RIMS2: variants seen among roughly 807,000 people sequenced by gnomAD.
RIMS2 encodes regulating synaptic membrane exocytosis protein 2.
In RIMS2, 59 loss-of-function variants were observed where a neutral mutation model predicts 174.4. That is an observed-to-expected ratio of 0.34 (90% CI 0.27 to 0.42). The LOEUF (loss-of-function observed/expected upper bound fraction) is 0.42. RIMS2 is among the 10% of genes least tolerant of loss of function. The pLI is 1.00. For synonymous variants in RIMS2, 606 were observed against 572.5 expected, an observed-to-expected ratio of 1.06 and a Z score of -0.84; for missense variants, 1,620 against 1,666.3, an observed-to-expected ratio of 0.97 and a Z score of 0.48.
intron 19 of RIMS2, among the ~76,000 whole-genome samples, chr8:104,206,666 A>C (rs1400235310): frequency 6.6e-6 from 1 of 152,210 alleles, no homozygotes; most frequent in Non-Finnish European, 1.5e-5. Context: ...GCAATTGCCC[A>C]AGCATGGCTT....
chr8:103,702,028 G>A (rs1177391623), intron 2 of RIMS2, among the ~76,000 whole-genome samples: 1 of 151,956 alleles, frequency 6.6e-6, no homozygotes, highest in African/African-American at 2.4e-5. Context: ...TCTCCATAGT[G>A]GCTATACTAA....
Position 103,576,058 on chromosome 8 carries a change from C to T in RIMS2, c.176+74996C>T, listed in dbSNP as rs548774971. ...AGTGGGAGGGCAGGACCACTATCCT[C>T]AGCATGGAAACCCTGCTATGTAAGT... On this transcript the variant is annotated intron_variant, in intron 1 of 23. Coordinates refer to ENST00000504942, the Ensembl canonical transcript of RIMS2. Among the ~76,000 whole-genome samples, 12 of 152,312 alleles carry T rather than the reference C, an allele frequency of 7.9e-5. No homozygotes were observed. The East Asian group carries it at 1.9e-3, about 25-fold the overall frequency.
chr8:103,571,791 T>C (rs758801246), intron 1 of RIMS2, among the ~76,000 whole-genome samples: 10 of 152,190 alleles, frequency 6.6e-5, no homozygotes, highest in East Asian at 1.9e-4. Context: ...TCTTTAGGAC[T>C]CTCTCCATTG....
intron 19 of RIMS2, among the ~76,000 whole-genome samples, chr8:104,116,342 T>C (rs1004775535): frequency 4.6e-5 from 7 of 152,208 alleles, no homozygotes; most frequent in Admixed American, 1.3e-4. Flanking sequence ...AATATTGTAA[T>C]GGATTTTAAG....
At chr8:104,241,238 G>T (rs947852104) in intron 19 of RIMS2, among the ~76,000 whole-genome samples, 8 of 152,140 alleles carry the variant, frequency 5.3e-5, no homozygotes, top group African/African-American at 1.9e-4. Flanking sequence ...AGCAGAAAAT[G>T]TGGAGTCTGG....
rs1157162801 is a variant in RIMS2 at position 103,830,617 on chromosome 8, T to A, written c.699-54681T>A. ...TGTTGTGGTCTATAAATGTCAATTATGTCATGATGTTTAATAGTGTTGTTC... is the reference window on the plus strand; with the variant it reads ...TGTTGTGGTCTATAAATGTCAATTAAGTCATGATGTTTAATAGTGTTGTTC... On this transcript the variant is annotated intron_variant, in intron 3 of 23. Transcript: ENST00000504942. Among the ~76,000 whole-genome samples, 3 of 152,312 alleles carry A rather than the reference T, an allele frequency of 2.0e-5. No individual in the cohort carries two copies. The East Asian group carries it at 5.8e-4, about 29-fold the overall frequency.
intron 19 of RIMS2, among the ~76,000 whole-genome samples, chr8:104,118,179 A>T (rs2098310613): frequency 6.6e-6 from 1 of 152,082 alleles, no homozygotes; most frequent in African/African-American, 2.4e-5. Flanking sequence ...TATAATAGAT[A>T]AAATATGAAA....
intron 16 of RIMS2, among the ~76,000 whole-genome samples, chr8:103,986,940 A>G (rs2094405072): frequency 6.6e-6 from 1 of 151,982 alleles, no homozygotes; most frequent in African/African-American, 2.4e-5. Flanking sequence ...ATGGTACTCA[A>G]AGACAAACTA....
chr8:103,727,434 A>G (rs1244195775), intron 2 of RIMS2, among the ~76,000 whole-genome samples: 2 of 151,926 alleles, frequency 1.3e-5, no homozygotes, highest in Non-Finnish European at 2.9e-5. Flanking sequence ...CACTTTGTTT[A>G]TTCTTTCCTT....
At chr8:103,714,889 T>A (rs1450363928) in intron 2 of RIMS2, among the ~76,000 whole-genome samples, 1 of 152,098 alleles carries the variant, frequency 6.6e-6, no homozygotes, top group Non-Finnish European at 1.5e-5. Flanking sequence ...AAAATTTTTT[T>A]AGATAATAAA....
intron 3 of RIMS2, among the ~76,000 whole-genome samples, chr8:103,866,791 T>A (rs1277499456): frequency 4.6e-5 from 7 of 152,100 alleles, no homozygotes; most frequent in African/African-American, 1.7e-4. Context: ...ATTTTGGCTT[T>A]TACTATTAAT....
At chr8:104,179,028 A>G (rs2098923663) in intron 19 of RIMS2, among the ~76,000 whole-genome samples, 1 of 152,176 alleles carries the variant, frequency 6.6e-6, no homozygotes, top group Non-Finnish European at 1.5e-5. Context: ...GAATATCAAG[A>G]TAATGAGCAA....
At chr8:103,861,017 T>C (rs1004440805) in intron 3 of RIMS2, among the ~76,000 whole-genome samples, 5 of 152,132 alleles carry the variant, frequency 3.3e-5, no homozygotes, top group African/African-American at 7.2e-5. Context: ...GAATTACATA[T>C]ACAGGTTTGT....
chr8:103,957,554 C>T (rs2087842201), intron 14 of RIMS2, among the ~76,000 whole-genome samples: 1 of 152,136 alleles, frequency 6.6e-6, no homozygotes, highest in East Asian at 1.9e-4. Flanking sequence ...GGGAGTTAAA[C>T]ATTGAGAACA....
At chr8:103,652,954 T>C (rs1477693050) in intron 1 of RIMS2, among the ~76,000 whole-genome samples, 5 of 152,190 alleles carry the variant, frequency 3.3e-5, no homozygotes, top group African/African-American at 1.2e-4. Flanking sequence ...ATGTAAGCCA[T>C]ACTTATTCAG....
chr8:103,577,761 A>G (rs1490183816), intron 1 of RIMS2, among the ~76,000 whole-genome samples: 2 of 152,198 alleles, frequency 1.3e-5, no homozygotes, highest in Non-Finnish European at 2.9e-5. Context: ...AATTAAAATA[A>G]TTTTTAAAAG....
At chr8:104,107,619 G>A (rs935323027) in intron 19 of RIMS2, among the ~76,000 whole-genome samples, 1 of 152,200 alleles carries the variant, frequency 6.6e-6, no homozygotes, top group Admixed American at 6.5e-5. Flanking sequence ...TATCCAATAT[G>A]CTAGTCACAG....
chr8:104,078,530 A>T (rs1409717963), intron 19 of RIMS2, among the ~76,000 whole-genome samples: 1 of 152,000 alleles, frequency 6.6e-6, no homozygotes, highest in Non-Finnish European at 1.5e-5. Flanking sequence ...TACCTATGTG[A>T]CCTCATTTTA....
chr8:103,697,409 A>G, intron 2 of RIMS2, 113 bp downstream of exon 4: 2 of 874,554 alleles, frequency 2.3e-6, no homozygotes, highest in South Asian at 3.0e-5. Flanking sequence ...ATTAGCAAAA[A>G]CATTTTAAAA....
Sources: gnomAD v4.1 joint callset for allele counts (sites outside exome capture counted in the v4.1 genomes callset) on GRCh38, gnomAD v4.1.1 for gene constraint, MANE v1.5 for transcripts, NCBI Gene and HGNC (gene_info 2026-07-23, HGNC 2026-07-21) for gene names.